Variants in VWA8 observed in about 807,000 individuals in gnomAD.
VWA8 encodes the protein von Willebrand factor A domain-containing protein 8.
Under a neutral mutation model 241.5 loss-of-function variants are expected in VWA8, and 221 were observed. The ratio of observed to expected loss-of-function variants is 0.91; its 90% CI spans 0.82 to 1.02. The LOEUF is 1.02. Ranked by LOEUF, VWA8 falls within the 50% of genes least tolerant of loss-of-function variation. The pLI is 0.00. For synonymous variants in VWA8, 852 were observed against 827.1 expected, an observed-to-expected ratio of 1.03 and a Z score of -0.52; for missense variants, 2,322 against 2,328.7, an observed-to-expected ratio of 1.00 and a Z score of 0.06.
chr13:41,854,048 G>C (rs1872636344), intron 12 of VWA8, among the ~76,000 whole-genome samples: 1 of 152,136 alleles, frequency 6.6e-6, no homozygotes, highest in Non-Finnish European at 1.5e-5. Flanking sequence ...TTGCTGAAGA[G>C]TCAGTTACCA....
intron 37 of VWA8, among the ~76,000 whole-genome samples, chr13:41,625,056 C>T (rs2044680683): frequency 6.6e-6 from 1 of 152,120 alleles, no homozygotes; most frequent in African/African-American, 2.4e-5. Context: ...ATCAAGAATG[C>T]AATCCCATTC....
intron 2 of VWA8, among the ~76,000 whole-genome samples, chr13:41,938,176 AG>A (rs1398464190): frequency 6.6e-6 from 1 of 151,330 alleles, no homozygotes; most frequent in African/African-American, 2.4e-5. Flanking sequence ...AAAAAAAAAA[AG>A]GTAATAAAAT....
intron 15 of VWA8, among the ~76,000 whole-genome samples, chr13:41,817,509 C>T (rs1399568809): frequency 1.3e-5 from 2 of 152,138 alleles, no homozygotes; most frequent in South Asian, 2.1e-4. Context: ...TAGAAGAATA[C>T]TGCTTAGGGT....
chr13:41,840,235 T>C (rs1871933397), intron 12 of VWA8, among the ~76,000 whole-genome samples: 1 of 152,172 alleles, frequency 6.6e-6, no homozygotes, highest in African/African-American at 2.4e-5. Context: ...AAATACTGCA[T>C]GTTCTCAGTC....
At chr13:41,656,836 C>G (rs1446007905) in intron 37 of VWA8, among the ~76,000 whole-genome samples, 1 of 152,138 alleles carries the variant, frequency 6.6e-6, no homozygotes, top group East Asian at 1.9e-4. Flanking sequence ...CTCTTGCTGT[C>G]AAAACCACTA....
intron 35 of VWA8, among the ~76,000 whole-genome samples, chr13:41,684,342 G>A (rs1445146103): frequency 1.3e-5 from 2 of 149,912 alleles, no homozygotes; most frequent in African/African-American, 5.0e-5. Context: ...CTACCACTGT[G>A]ACATAAAAAA....
Position 41,671,247 on chromosome 13 carries a change from T to C in VWA8, c.4410-100A>G, listed in dbSNP as rs1593687217. ...GTTCTTTACTGTTGAAAAAGTATGC[T>C]CACACTACTCATTATTTTATACCTG... On this transcript the variant is annotated intron_variant, in intron 36 of 44. Coordinates refer to ENST00000379310, the MANE Select transcript of VWA8 (RefSeq NM_015058.2). The C allele has an allele frequency of 6.4e-6, 8 of 1,258,698 alleles. No homozygotes were observed. In the East Asian group the frequency reaches 1.9e-4, roughly 30 times the overall value. The allele number at this position is 1,258,698 out of a possible 1,614,324, so 78.0% of individuals were successfully genotyped here.
At chr13:41,603,882 C>G (rs544893190) in intron 40 of VWA8, among the ~76,000 whole-genome samples, 1 of 152,130 alleles carries the variant, frequency 6.6e-6, no homozygotes, top group Admixed American at 6.6e-5. Context: ...CTCCATGAAG[C>G]CTTTCCTCAT....
chr13:41,782,278 C>T (rs1868921735), intron 19 of VWA8, among the ~76,000 whole-genome samples: 1 of 152,198 alleles, frequency 6.6e-6, no homozygotes, highest in South Asian at 2.1e-4. Flanking sequence ...TACTGTATTT[C>T]CTACATTCTT....
At chr13:41,779,691 A>ATT (rs1868797125) in intron 19 of VWA8, among the ~76,000 whole-genome samples, 1 of 152,206 alleles carries the variant, frequency 6.6e-6, no homozygotes. Flanking sequence ...GTCAGTGCCA[A>ATT]TTCCAGAAAA....
intron 21 of VWA8, among the ~76,000 whole-genome samples, chr13:41,740,717 G>T (rs920171530): frequency 5.3e-5 from 8 of 152,164 alleles, no homozygotes; most frequent in African/African-American, 1.9e-4. Flanking sequence ...ATATCACACA[G>T]CTTAGGTCAT....
intron 3 of VWA8, 36 bp from the exon 4 acceptor site, chr13:41,907,732 A>G (rs1353023409): frequency 6.3e-7 from 1 of 1,580,824 alleles, no homozygotes; most frequent in Non-Finnish European, 8.7e-7. Flanking sequence ...CCAAAAATAA[A>G]ATCAAATTTC....
At chr13:41,918,226 T>G (rs935165177) in intron 2 of VWA8, among the ~76,000 whole-genome samples, 3 of 152,196 alleles carry the variant, frequency 2.0e-5, no homozygotes, top group Admixed American at 6.5e-5. Context: ...TTACGTAGCT[T>G]ATATAAAGCC....
intron 24 of VWA8, among the ~76,000 whole-genome samples, chr13:41,725,657 T>C (rs2137855387): frequency 6.6e-6 from 1 of 152,250 alleles, no homozygotes; most frequent in South Asian, 2.1e-4. Context: ...ATGGCACATA[T>C]GTTTTAGGAT....
At chr13:41,960,709 C>T in intron 1 of VWA8, 144 bp downstream of exon 1, 1 of 1,243,856 alleles carries the variant, frequency 8.0e-7, no homozygotes, top group Non-Finnish European at 1.1e-6. Flanking sequence ...GAGGTCGGGA[C>T]TAGAACCTCA....
chr13:41,839,375 G>A (rs1330866471), intron 12 of VWA8, among the ~76,000 whole-genome samples: 1 of 152,122 alleles, frequency 6.6e-6, no homozygotes, highest in African/African-American at 2.4e-5. Context: ...GTTCCTTGTA[G>A]ATTCTGGATA....
At chr13:41,927,045 T>C (rs1374590193) in intron 2 of VWA8, 5 of 385,828 alleles carry the variant, frequency 1.3e-5, no homozygotes, top group South Asian at 1.1e-4. Context: ...TTTGAGCTGC[T>C]TGTCATGAAG....
In VWA8 at chr13:41,788,010, C is replaced by T. The variant is rs73183385; in HGVS notation, c.2064-467G>A. ...GAATGAATTTAACATTATCTAGCTTCGTTCTTCCTATTAAAAAATATATCT... is the reference window on the plus strand; with the variant it reads ...GAATGAATTTAACATTATCTAGCTTTGTTCTTCCTATTAAAAAATATATCT... On this transcript the variant is annotated intron_variant, in intron 17 of 44. Coordinates refer to ENST00000379310, the MANE Select transcript of VWA8 (RefSeq NM_015058.2). Among the ~76,000 whole-genome samples the T allele has an allele frequency of 1.2e-3, 181 of 152,170 alleles. 1 individual carries two copies. The highest frequency in any genetic ancestry group is 2.6e-3 in the Admixed American group (39 of 15,274).
chr13:41,891,686 T>C (rs772028657), intron 4 of VWA8, 99 bp from the exon 5 acceptor site: 7 of 1,280,244 alleles, frequency 5.5e-6, no homozygotes, highest in Non-Finnish European at 7.6e-6. Flanking sequence ...GTTCTTGTTA[T>C]AGGGACCAGA....
Sources: gnomAD v4.1 joint callset for allele counts (sites outside exome capture counted in the v4.1 genomes callset) on GRCh38, gnomAD v4.1.1 for gene constraint, MANE v1.5 for transcripts, NCBI Gene and HGNC (gene_info 2026-07-23, HGNC 2026-07-21) for gene names.